Variants in SIRT2 observed in about 807,000 individuals in gnomAD.
SIRT2 encodes the protein sirtuin 2.
Under a neutral mutation model 57.4 loss-of-function variants are expected in SIRT2, and 40 were observed. The observed-to-expected ratio is 0.70, with a 90% confidence interval of 0.54 to 0.91. The LOEUF is 0.91. SIRT2 is among the 40% of genes least tolerant of loss of function. SIRT2 has a pLI of 0.00. For synonymous variants in SIRT2, 161 were observed against 195.7 expected (o/e 0.82, Z 1.48); for missense variants, 439 against 510.4 (o/e 0.86, Z 1.35).
At chr19:38,887,657 C>G (rs1004637200) in intron 8 of SIRT2, among the ~76,000 whole-genome samples, 1 of 152,206 alleles carries the variant, frequency 6.6e-6, no homozygotes, top group Non-Finnish European at 1.5e-5. Flanking sequence ...TGTTCCTCCC[C>G]CTGGCGGTAG....
chr19:38,893,351 GGATGGGAGGTCACTTGGGGCCAGGAGCCA>G, intron 4 of SIRT2, 34 bp downstream of exon 4: 1 of 975,464 alleles, frequency 1.0e-6, no homozygotes, highest in Non-Finnish European at 1.7e-6. Context: ...AAGTGGCTGG[GGATGGGAGGTCACTTGGGGCCAGGAGCCA>G]GGCAAAGTGG....
At chr19:38,889,032 C>T in intron 8 of SIRT2, 55 bp downstream of exon 8, 1 of 1,529,062 alleles carries the variant, frequency 6.5e-7, no homozygotes, top group Non-Finnish European at 9.0e-7. Flanking sequence ...CTGCTGAGGA[C>T]ACCATGCCCG....
chr19:38,884,460 G>GT (rs199592365), intron 8 of SIRT2, among the ~76,000 whole-genome samples: 2 of 150,408 alleles, frequency 1.3e-5, no homozygotes, highest in South Asian at 4.2e-4. Flanking sequence ...TTGTTTGTTT[G>GT]TTTTTTGAGA....
intron 4 of SIRT2, chr19:38,891,739 C>T (rs1973544476): frequency 2.6e-6 from 1 of 389,800 alleles, no homozygotes; most frequent in African/African-American, 2.1e-5. Context: ...CCGGCCTCAA[C>T]TAATTGTTAT....
At chr19:38,897,068 C>G (rs992948313) in intron 2 of SIRT2, among the ~76,000 whole-genome samples, 1 of 152,102 alleles carries the variant, frequency 6.6e-6, no homozygotes, top group Non-Finnish European at 1.5e-5. Flanking sequence ...CTCCTGTAGC[C>G]GAGGGACGGG....
In SIRT2 at chr19:38,897,455, G is replaced by T. The variant is rs989096897; in HGVS notation, c.63+924C>A. Among the ~76,000 whole-genome samples, 7 of 152,096 alleles carry T rather than the reference G, an allele frequency of 4.6e-5. 1 individual carries two copies. The highest frequency in any genetic ancestry group is 4.6e-4 in the Admixed American group (7 of 15,268). Reference sequence around the variant, plus strand: ...GTGGATTCCTCCAGGGAATGGCCTGGCTAGAATCTTCTTTGACCCAGAAAA... The same window carrying T: ...GTGGATTCCTCCAGGGAATGGCCTGTCTAGAATCTTCTTTGACCCAGAAAA... On this transcript the variant is annotated intron_variant, in intron 2 of 15. Transcript: ENST00000249396.
At chr19:38,893,063 G>A (rs1404727180) in intron 4 of SIRT2, among the ~76,000 whole-genome samples, 1 of 152,034 alleles carries the variant, frequency 6.6e-6, no homozygotes, top group African/African-American at 2.4e-5. Context: ...ACCAATGGGA[G>A]CCAATCTCTG....
chr19:38,898,634 G>A, intron 1 of SIRT2: 1 of 393,182 alleles, frequency 2.5e-6, no homozygotes, highest in Non-Finnish European at 4.5e-6. Context: ...GATTAGTGAG[G>A]GGCAGAGAGG....
intron 8 of SIRT2, among the ~76,000 whole-genome samples, chr19:38,888,386 G>A (rs1009112343): frequency 2.0e-5 from 3 of 151,718 alleles, no homozygotes; most frequent in Admixed American, 6.6e-5. Context: ...TTGCCCAGGC[G>A]GGTCCCAAAC....
At chr19:38,879,879 G>A (rs1427798854) in intron 13 of SIRT2, 177 bp from the exon 14 acceptor site, 7 of 596,388 alleles carry the variant, frequency 1.2e-5, no homozygotes, top group East Asian at 2.8e-5. Flanking sequence ...AGGCTGGAGT[G>A]CAATGATGTG....
rs745882035 is a variant in SIRT2 at position 38,879,302 on chromosome 19, C to T, written c.1023G>A (p.Leu341=). The T allele has an allele frequency of 2.5e-6, 4 of 1,613,488 alleles. No individual in the cohort carries two copies. Among genetic ancestry groups the T allele is most frequent in the South Asian group, 1.1e-5 (1 of 91,078 alleles). Residue 341 remains leucine (L), a synonymous_variant, in exon 16 of 16, where the codon CTG becomes CTA. Coordinates refer to ENST00000249396, the MANE Select transcript of SIRT2 (RefSeq NM_012237.4). ...LAELLGWKKE[L]EDLVRREHAS... ...CGTGCTCCCTCCGGACAAGGTCCTC[C>T]AGCTCCTTCTGCAGGAGCAAAGGTC...
intron 4 of SIRT2, among the ~76,000 whole-genome samples, chr19:38,893,110 C>T (rs1444538006): frequency 6.6e-6 from 1 of 152,042 alleles, no homozygotes; most frequent in Non-Finnish European, 1.5e-5. Context: ...GGTGCTCTCT[C>T]GGTGGCAGCT....
Position 38,894,739 on chromosome 19 carries a change from C to T in SIRT2, c.64-872G>A, listed in dbSNP as rs1048751614. ...CTCTCCAGCAACCTCTGTCTCCTTCCTCGAAGCCTCCCCTCAGCCCAGCTC... is the reference window on the plus strand; with the variant it reads ...CTCTCCAGCAACCTCTGTCTCCTTCTTCGAAGCCTCCCCTCAGCCCAGCTC... On this transcript the variant is annotated intron_variant, in intron 2 of 15. Transcript: ENST00000249396. 8 of 452,644 alleles carry T rather than the reference C, an allele frequency of 1.8e-5. 1 individual carries two copies. Among genetic ancestry groups the T allele is most frequent in the Admixed American group, 1.7e-4 (7 of 42,364 alleles). The allele number at this position is 452,644 out of a possible 1,614,324, so 28.0% of individuals were successfully genotyped here.
chr19:38,894,326 T>A (rs1345090248), intron 2 of SIRT2: 1 of 195,152 alleles, frequency 5.1e-6, no homozygotes, highest in Non-Finnish European at 1.1e-5. Context: ...CCCAGGGTGG[T>A]CTTGAACTCC....
intron 8 of SIRT2, 140 bp from the exon 9 acceptor site, chr19:38,883,896 G>T: frequency 1.2e-6 from 1 of 836,296 alleles, no homozygotes; most frequent in Non-Finnish European, 1.9e-6. Context: ...GAAGCAAGTG[G>T]CAGGGTTTAT....
Position 38,899,606 on chromosome 19 carries a change from C to T in SIRT2, c.-85G>A, listed in dbSNP as rs750274055. On this transcript the variant is annotated 5_prime_UTR_variant, in exon 1 of 16. Transcript: ENST00000249396. ...TGTGTCCCGTCACCGACTGCTCTGT[C>T]CTGTCACCGACTGCTCTGTCCCGTG... is the stretch of plus-strand genomic sequence containing the variant. The T allele has an allele frequency of 3.2e-6, 5 of 1,574,616 alleles. No homozygotes were observed. The highest frequency in any genetic ancestry group is 3.3e-5 in the Admixed American group (2 of 59,792).
At chr19:38,898,120 G>A (rs1305774703) in intron 2 of SIRT2, among the ~76,000 whole-genome samples, 1 of 152,236 alleles carries the variant, frequency 6.6e-6, no homozygotes, top group Non-Finnish European at 1.5e-5. Flanking sequence ...CAGGACAAAT[G>A]TGGTTCAGAA....
At chr19:38,886,397 G>C (rs1441990018) in intron 8 of SIRT2, among the ~76,000 whole-genome samples, 3 of 151,714 alleles carry the variant, frequency 2.0e-5, no homozygotes, top group Non-Finnish European at 4.4e-5. Flanking sequence ...TAACTGAACA[G>C]CGTGGAAAAG....
In SIRT2 at chr19:38,879,045, G is replaced by C. The variant is rs1973031393; in HGVS notation, c.*110C>G. Reference sequence around the variant, plus strand: ...TGGGGAGGGAGCTGTAAGAGATTGGGGGATGTTCTGAGCTCCCCAGACAAG... The same window carrying C: ...TGGGGAGGGAGCTGTAAGAGATTGGCGGATGTTCTGAGCTCCCCAGACAAG... On this transcript the variant is annotated 3_prime_UTR_variant, in exon 16 of 16. Transcript: ENST00000249396. 6.7e-6 allele frequency: 8 copies of C among 1,189,102 alleles called. No homozygotes were observed. Among genetic ancestry groups the C allele is most frequent in the Middle Eastern group, 3.0e-4 (1 of 3,366 alleles). 73.7% of individuals were successfully genotyped at this position (1,189,102 alleles called of 1,614,324 possible). A position where few individuals can be genotyped will look rare whatever the true frequency, so the allele number is the denominator to read the frequency against.
Sources: gnomAD v4.1 joint callset for allele counts (sites outside exome capture counted in the v4.1 genomes callset) on GRCh38, gnomAD v4.1.1 for gene constraint, MANE v1.5 for transcripts, NCBI Gene and HGNC (gene_info 2026-07-23, HGNC 2026-07-21) for gene names.